ARHGEF7: variants seen among roughly 807,000 people sequenced by gnomAD.
The protein encoded by ARHGEF7 is Rho guanine nucleotide exchange factor 7, also known as PAK-interacting exchange factor beta.
A neutral mutation model predicts 109.8 loss-of-function variants in ARHGEF7; 33 were observed. The observed-to-expected ratio is 0.30, with a 90% CI of 0.23 to 0.40. The LOEUF (loss-of-function observed/expected upper bound fraction) is 0.40. ARHGEF7 is among the 10% of genes least tolerant of loss of function. ARHGEF7 has a pLI of 1.00. For synonymous variants in ARHGEF7, 458 were observed against 424.6 expected (o/e 1.08, Z -0.97); for missense variants, 938 against 1,098.5 (o/e 0.85, Z 2.07).
intron 4 of ARHGEF7, among the ~76,000 whole-genome samples, chr13:111,213,924 T>C (rs1429810681): frequency 6.6e-6 from 1 of 152,158 alleles, no homozygotes; most frequent in Non-Finnish European, 1.5e-5. Flanking sequence ...TCTTGCGCTC[T>C]GATGGAGCAC....
chr13:111,160,817 C>A (rs2076686101), intron 2 of ARHGEF7, among the ~76,000 whole-genome samples: 1 of 152,168 alleles, frequency 6.6e-6, no homozygotes, highest in Non-Finnish European at 1.5e-5. Flanking sequence ...CCTTCTGTCT[C>A]CTGCTGCCCT....
rs192764068 is a variant in ARHGEF7 at position 111,230,479 on chromosome 13, T to C, written c.671-2726T>C. ...GCCCGGGAGTTACCTGTGCCCCTGCTGCCCCGCACCCCTCCTGTTGATGGC... is the reference window on the plus strand; with the variant it reads ...GCCCGGGAGTTACCTGTGCCCCTGCCGCCCCGCACCCCTCCTGTTGATGGC... On this transcript the variant is annotated intron_variant, in intron 5 of 21. Transcript: ENST00000646102. Among the ~76,000 whole-genome samples, 7 of 152,334 alleles carry C rather than the reference T, an allele frequency of 4.6e-5. No homozygotes were observed. In the East Asian group the frequency reaches 1.3e-3, roughly 29 times the overall value.
At chr13:111,225,777 A>G (rs1337906960) in intron 5 of ARHGEF7, among the ~76,000 whole-genome samples, 1 of 152,158 alleles carries the variant, frequency 6.6e-6, no homozygotes, top group Non-Finnish European at 1.5e-5. Context: ...TGACTGCCCT[A>G]CTGACCGGGA....
chr13:111,240,253 C>T (rs2087533397), intron 6 of ARHGEF7, among the ~76,000 whole-genome samples: 1 of 152,134 alleles, frequency 6.6e-6, no homozygotes, highest in Non-Finnish European at 1.5e-5. Flanking sequence ...TGCCTATAAA[C>T]CTTTAACATT....
chr13:111,215,829 C>G (rs2083060778), intron 4 of ARHGEF7, among the ~76,000 whole-genome samples: 1 of 152,150 alleles, frequency 6.6e-6, no homozygotes, highest in African/African-American at 2.4e-5. Flanking sequence ...CAGCTGCTGC[C>G]TCTGAGCCGC....
At chr13:111,139,104 A>G (rs2075225399) in intron 1 of ARHGEF7, among the ~76,000 whole-genome samples, 1 of 152,260 alleles carries the variant, frequency 6.6e-6, no homozygotes, top group Admixed American at 6.5e-5. Context: ...AGAACTGAAT[A>G]GAATAATGGA....
At chr13:111,162,778 C>T (rs967211850) in intron 2 of ARHGEF7, among the ~76,000 whole-genome samples, 1 of 152,168 alleles carries the variant, frequency 6.6e-6, no homozygotes, top group Non-Finnish European at 1.5e-5. Context: ...ATTAGGATTT[C>T]ACCCACAAGA....
At chr13:111,235,680 A>C (rs138359052) in intron 6 of ARHGEF7, among the ~76,000 whole-genome samples, 1 of 152,380 alleles carries the variant, frequency 6.6e-6, no homozygotes, top group Admixed American at 6.5e-5. Flanking sequence ...ACTGGTTACT[A>C]AGCCAGGAAT....
chr13:111,159,761 T>C (rs530581352), intron 2 of ARHGEF7, among the ~76,000 whole-genome samples: 1 of 152,344 alleles, frequency 6.6e-6, no homozygotes, highest in South Asian at 2.1e-4. Flanking sequence ...TTTTGGATAT[T>C]AGCTTCTTAT....
chr13:111,283,201 G>T lies in ARHGEF7; in HGVS notation c.1788G>T (p.Thr596=). ...CAGACAGCAAGCCCGCGCCGCTGACGCCCGCCTACCACACGCTGCCCCACC... is the reference window on the plus strand; with the variant it reads ...CAGACAGCAAGCCCGCGCCGCTGACTCCCGCCTACCACACGCTGCCCCACC... ...KHADSKPAPL[T]PAYHTLPHPS... The change falls in exon 16 of 22, where the codon ACG becomes ACT. Residue 596 remains threonine (T), a synonymous_variant. Transcript: ENST00000646102. The T allele has an allele frequency of 6.3e-7, 1 of 1,596,038 alleles. No homozygotes were observed. Among genetic ancestry groups the T allele is most frequent in the Non-Finnish European group, 8.5e-7 (1 of 1,172,884 alleles).
intron 19 of ARHGEF7, chr13:111,294,505 C>A: frequency 1.0e-6 from 1 of 985,400 alleles, no homozygotes; most frequent in Non-Finnish European, 1.2e-6. Context: ...CATTTTGTAC[C>A]AGTTAAAGGC....
At chr13:111,180,593 C>T (rs887428314) in intron 2 of ARHGEF7, among the ~76,000 whole-genome samples, 4 of 152,198 alleles carry the variant, frequency 2.6e-5, no homozygotes, top group Non-Finnish European at 4.4e-5. Context: ...GATCACACTA[C>T]AGGAAGGAGA....
chr13:111,122,834 G>A (rs549434550), intron 1 of ARHGEF7: 2 of 152,390 alleles, frequency 1.3e-5, no homozygotes, highest in South Asian at 4.1e-4. Flanking sequence ...TCCTTTTGCA[G>A]ATGGCTTCAC....
chr13:111,171,482 T>A (rs1566699069), intron 2 of ARHGEF7, among the ~76,000 whole-genome samples: 1 of 152,242 alleles, frequency 6.6e-6, no homozygotes, highest in Non-Finnish European at 1.5e-5. Flanking sequence ...AGTTACACTT[T>A]AATATCGCTC....
intron 2 of ARHGEF7, among the ~76,000 whole-genome samples, chr13:111,165,525 C>G (rs2077057892): frequency 6.6e-6 from 1 of 152,144 alleles, no homozygotes; most frequent in Non-Finnish European, 1.5e-5. Context: ...TACTAAGTTT[C>G]TGTGTATTCT....
intron 1 of ARHGEF7, among the ~76,000 whole-genome samples, chr13:111,118,172 G>A (rs1406741773): frequency 6.6e-6 from 1 of 152,250 alleles, no homozygotes; most frequent in Non-Finnish European, 1.5e-5. Flanking sequence ...GTGGCTGGGT[G>A]CCTCGGGCTT....
At position 111,221,517 on chromosome 13, in the gene ARHGEF7, A is replaced by G. The variant is rs1190268947; in HGVS notation, c.670+3637A>G. 8.7e-4 allele frequency among the ~76,000 whole-genome samples: 41 copies of G among 47,276 alleles called. 3 individuals are homozygous for G. Among genetic ancestry groups the G allele is most frequent in the Middle Eastern group, 0.024 (1 of 42 alleles). The allele number at this position is 47,276 out of a possible 152,430, so 31.0% of individuals were successfully genotyped here. ...CATATATATATCTATATATATAGAT[A>G]TATATCTATATATATCTATATATAG... On this transcript the variant is annotated intron_variant, in intron 5 of 21. Coordinates refer to ENST00000646102, the MANE Select transcript of ARHGEF7 (RefSeq NM_001354046.2).
chr13:111,233,288 A>G lies in ARHGEF7; in HGVS notation c.754A>G (p.Asn252Asp), dbSNP rs770312908. 1 of 1,613,162 alleles carries G rather than the reference A, an allele frequency of 6.2e-7. No individual in the cohort carries two copies. Among genetic ancestry groups the G allele is most frequent in the Admixed American group, 1.7e-5 (1 of 60,022 alleles). ...GACTGCCATAAACAAAAGCTATTAC[A>G]ATGTGGTGAGTAATTGCAGAACATT... ...DTTAINKSYY[N>D]VVLQNILETE... The change falls in exon 6 of 22, where the codon AAT becomes GAT. Residue 252 changes from asparagine (N) to aspartate (D), a missense_variant. Physicochemically the swap from Asn to Asp is conservative, Grantham distance 23 (BLOSUM62 1). This residue lies in a region of ARHGEF7 where 585 missense variants were observed against 723.6 expected (regional missense o/e 0.81). Transcript: ENST00000646102.
intron 1 of ARHGEF7, among the ~76,000 whole-genome samples, chr13:111,133,763 T>TTATA (rs763290549): frequency 2.3e-3 from 17 of 7,354 alleles, no homozygotes; most frequent in Admixed American, 3.5e-3. Flanking sequence ...CTGCTTTTCT[T>TTATA]TATATATATA....
Sources: gnomAD v4.1 joint callset for allele counts (sites outside exome capture counted in the v4.1 genomes callset) on GRCh38, gnomAD v4.1.1 for gene constraint, gnomAD v4.1.1 regional missense constraint, MANE v1.5 for transcripts, NCBI Gene and HGNC (gene_info 2026-07-23, HGNC 2026-07-21) for gene names.